IMMP2L: variants seen among roughly 807,000 people sequenced by gnomAD.
The protein encoded by IMMP2L is inner mitochondrial membrane peptidase subunit 2.
Under a neutral mutation model 19.3 loss-of-function variants are expected in IMMP2L, and 18 were observed. The ratio of observed to expected loss-of-function variants is 0.93; its 90% CI spans 0.64 to 1.38. IMMP2L has a LOEUF of 1.38. IMMP2L is among the 40% of genes most tolerant of loss of function. The pLI is 0.00. For synonymous variants in IMMP2L, 76 were observed against 73.0 expected, an observed-to-expected ratio of 1.04 and a Z score of -0.21; for missense variants, 233 against 218.2, an observed-to-expected ratio of 1.07 and a Z score of -0.43.
At chr7:111,111,169 A>G (rs1217748072) in intron 3 of IMMP2L, among the ~76,000 whole-genome samples, 1 of 152,086 alleles carries the variant, frequency 6.6e-6, no homozygotes, top group African/African-American at 2.4e-5. Context: ...GCAAATTTAT[A>G]ACCCTGTTTT....
At chr7:111,020,181 C>T (rs968123018) in intron 3 of IMMP2L, among the ~76,000 whole-genome samples, 1 of 150,886 alleles carries the variant, frequency 6.6e-6, no homozygotes, top group Middle Eastern at 3.2e-3. Context: ...GTCAGGAGTT[C>T]GAGACCAGCC....
intron 4 of IMMP2L, among the ~76,000 whole-genome samples, chr7:110,944,456 T>C (rs1319537689): frequency 1.3e-5 from 2 of 151,706 alleles, no homozygotes; most frequent in Admixed American, 6.6e-5. Flanking sequence ...ATAGAGTGTG[T>C]GTGTGTGCGC....
At chr7:110,700,764 A>G (rs1179032603) in intron 5 of IMMP2L, among the ~76,000 whole-genome samples, 2 of 152,194 alleles carry the variant, frequency 1.3e-5, no homozygotes, top group Non-Finnish European at 2.9e-5. Flanking sequence ...TTTCAAAACC[A>G]AAACAGAACT....
chr7:110,837,416 G>T (rs1804607690), intron 5 of IMMP2L, among the ~76,000 whole-genome samples: 1 of 151,970 alleles, frequency 6.6e-6, no homozygotes, highest in African/African-American at 2.4e-5. Flanking sequence ...CAAGAAAGAG[G>T]TAAGGGTGGG....
intron 3 of IMMP2L, among the ~76,000 whole-genome samples, chr7:111,235,887 G>A (rs576739767): frequency 6.6e-6 from 1 of 151,906 alleles, no homozygotes; most frequent in African/African-American, 2.4e-5. Context: ...TATTCTCTCT[G>A]TGGTTCATTT....
chr7:110,945,611 T>A (rs1585382573), intron 4 of IMMP2L, among the ~76,000 whole-genome samples: 1 of 151,902 alleles, frequency 6.6e-6, no homozygotes, highest in African/African-American at 2.4e-5. Flanking sequence ...ACTTTTTCTA[T>A]AGAAAAAGTA....
At chr7:110,819,983 A>G (rs1412734321) in intron 5 of IMMP2L, among the ~76,000 whole-genome samples, 1 of 151,936 alleles carries the variant, frequency 6.6e-6, no homozygotes, top group African/African-American at 2.4e-5. Flanking sequence ...CTTGTTTTTC[A>G]TATCTAGAGT....
At chr7:111,508,968 C>G (rs756842523) in intron 2 of IMMP2L, among the ~76,000 whole-genome samples, 3 of 151,900 alleles carry the variant, frequency 2.0e-5, no homozygotes, top group Non-Finnish European at 2.9e-5. Flanking sequence ...AAAATTAGCA[C>G]AAATATATGA....
At chr7:111,500,884 A>T (rs1249837945) in intron 2 of IMMP2L, among the ~76,000 whole-genome samples, 2 of 152,214 alleles carry the variant, frequency 1.3e-5, no homozygotes, top group Non-Finnish European at 2.9e-5. Flanking sequence ...AAAACAGAGC[A>T]GAAAAACTGG....
chr7:110,731,202 A>C (rs183970318), intron 5 of IMMP2L, among the ~76,000 whole-genome samples: 1 of 152,330 alleles, frequency 6.6e-6, no homozygotes, highest in East Asian at 1.9e-4. Context: ...TACATATGTA[A>C]AAACTACTTT....
intron 5 of IMMP2L, among the ~76,000 whole-genome samples, chr7:110,779,308 C>T (rs769131470): frequency 6.6e-6 from 1 of 152,030 alleles, no homozygotes; most frequent in Non-Finnish European, 1.5e-5. Flanking sequence ...TTTTTATATG[C>T]AATGAGTGTA....
At chr7:110,895,173 C>T (rs1811199194) in intron 4 of IMMP2L, among the ~76,000 whole-genome samples, 1 of 152,152 alleles carries the variant, frequency 6.6e-6, no homozygotes, top group African/African-American at 2.4e-5. Context: ...GTAACTCCCA[C>T]TTTTTAAAAC....
At chr7:110,770,977 C>T (rs1584776245) in intron 5 of IMMP2L, among the ~76,000 whole-genome samples, 1 of 152,098 alleles carries the variant, frequency 6.6e-6, no homozygotes, top group African/African-American at 2.4e-5. Context: ...CTGTGCTGTA[C>T]TCACAGGGTC....
At chr7:111,096,940 T>C (rs1409569201) in intron 3 of IMMP2L, 2 of 151,932 alleles carry the variant, frequency 1.3e-5, no homozygotes, top group African/African-American at 2.4e-5. Flanking sequence ...GGAGATTGTG[T>C]CTGTCAAAAG....
rs560256600 is a variant in IMMP2L, at chr7:111,363,471, A to G, written c.239+123767T>C. ...ATAATATTTCCTCCTTTTTGATCAT[A>G]ATAAAGTAACCCTCATGTTTCCATT... is the stretch of plus-strand genomic sequence containing the variant. On this transcript the variant is annotated intron_variant, in intron 3 of 5. Transcript: ENST00000405709. 3.3e-5 allele frequency among the ~76,000 whole-genome samples: 5 copies of G among 152,218 alleles called. No individual in the cohort carries two copies. The South Asian group carries it at 1.0e-3, about 32-fold the overall frequency.
At chr7:111,303,591 G>T (rs1033112769) in intron 3 of IMMP2L, among the ~76,000 whole-genome samples, 4 of 151,974 alleles carry the variant, frequency 2.6e-5, no homozygotes, top group African/African-American at 9.7e-5. Context: ...AATAACTTAA[G>T]GTTGATTCTC....
At chr7:111,525,697 G>A (rs1199395709) in intron 1 of IMMP2L, among the ~76,000 whole-genome samples, 1 of 152,078 alleles carries the variant, frequency 6.6e-6, no homozygotes, top group Admixed American at 6.6e-5. Flanking sequence ...TCAAGGGGCC[G>A]TGGTAGCCTG....
chr7:111,221,515 A>AAG (rs141908424), intron 3 of IMMP2L, among the ~76,000 whole-genome samples: 1 of 151,456 alleles, frequency 6.6e-6, no homozygotes, highest in African/African-American at 2.4e-5. Flanking sequence ...GAGAGAGAGC[A>AAG]AGAGAGAGAG....
intron 3 of IMMP2L, among the ~76,000 whole-genome samples, chr7:111,266,544 C>CAAAAA (rs530670317): frequency 1.1e-5 from 1 of 88,772 alleles, no homozygotes; most frequent in Non-Finnish European, 2.4e-5. Context: ...CTATGTCTCC[C>CAAAAA]AAAAAAAAAA....
Sources: allele counts gnomAD v4.1 joint callset (sites outside exome capture counted in the v4.1 genomes callset), GRCh38; gene constraint gnomAD v4.1.1; transcripts MANE v1.5; gene names NCBI Gene and HGNC (gene_info 2026-07-23, HGNC 2026-07-21).